The following STARD13 variants were observed in gnomAD, a reference collection of about 807,000 sequenced individuals.
STARD13 encodes stAR-related lipid transfer protein 13.
Under a neutral mutation model 106.4 loss-of-function variants are expected in STARD13, and 62 were observed. That is an observed-to-expected ratio of 0.58 (90% CI 0.48 to 0.72). The LOEUF (loss-of-function observed/expected upper bound fraction) is 0.72. Among genes scored for constraint, STARD13 ranks in the 30% least tolerant of loss-of-function variants. The pLI, the probability that STARD13 is intolerant of heterozygous loss-of-function variation, is 0.00. For synonymous variants in STARD13, 565 were observed against 553.0 expected, an observed-to-expected ratio of 1.02 and a Z score of -0.31; for missense variants, 1,387 against 1,424.0, an observed-to-expected ratio of 0.97 and a Z score of 0.42.
the STARD13 span, among the ~76,000 whole-genome samples, chr13:33,392,196 T>C: frequency 1.3e-5 from 2 of 152,162 alleles, no homozygotes; most frequent in African/African-American, 4.8e-5. Flanking sequence ...CCACCTTGTT[T>C]TTCTTGCAAC....
chr13:33,481,213 G>C, the STARD13 span, among the ~76,000 whole-genome samples: 1 of 151,712 alleles, frequency 6.6e-6, no homozygotes, highest in Non-Finnish European at 1.5e-5. Flanking sequence ...GATGGGAGAA[G>C]TTATTAAATT....
At chr13:33,204,150 T>G (rs1394986747) in intron 1 of STARD13, among the ~76,000 whole-genome samples, 1 of 152,232 alleles carries the variant, frequency 6.6e-6, no homozygotes, top group Non-Finnish European at 1.5e-5. Context: ...GGCAAAATTC[T>G]TTTACACATT....
Position 33,285,528 on chromosome 13 carries a change from A to G in STARD13, c.111T>C (p.Ser37=), listed in dbSNP as rs753936677. 49 of 1,613,944 alleles carry G rather than the reference A, an allele frequency of 3.0e-5. No individual in the cohort carries two copies. The highest frequency in any genetic ancestry group is 4.2e-5 in the Non-Finnish European group (49 of 1,179,946). ...YLRFDQTTRR[S]PYRMSRILAR... is the part of the protein sequence containing the mutation. ...CTAGAATCCGGCTCATCCTGTAAGG[A>G]GAGCGTCTTGTAGTCTGATCAAATC... Residue 37 remains serine (S), a synonymous_variant, in exon 1 of 14, where the codon TCT becomes TCC. Transcript: ENST00000336934.
chr13:33,239,204 A>T (rs1889347098), intron 1 of STARD13, among the ~76,000 whole-genome samples: 1 of 152,038 alleles, frequency 6.6e-6, no homozygotes, highest in Admixed American at 6.5e-5. Flanking sequence ...ATATAACAAG[A>T]TTTCCTTCTT....
At chr13:33,635,977 C>T in the STARD13 span, among the ~76,000 whole-genome samples, 4 of 151,546 alleles carry the variant, frequency 2.6e-5, no homozygotes, top group Non-Finnish European at 5.9e-5. Flanking sequence ...GAGTGAGACT[C>T]CATCTCAAAA....
the STARD13 span, among the ~76,000 whole-genome samples, chr13:33,590,523 A>G: frequency 6.6e-6 from 1 of 151,968 alleles, no homozygotes; most frequent in East Asian, 1.9e-4. Flanking sequence ...GCAGCCATAA[A>G]AAAGGATGAG....
At chr13:33,225,287 C>T (rs1261091462) in intron 1 of STARD13, among the ~76,000 whole-genome samples, 1 of 152,212 alleles carries the variant, frequency 6.6e-6, no homozygotes, top group Non-Finnish European at 1.5e-5. Flanking sequence ...TGACCTCAGG[C>T]AGCTGTGCAG....
chr13:33,480,042 T>C, the STARD13 span, among the ~76,000 whole-genome samples: 1 of 152,210 alleles, frequency 6.6e-6, no homozygotes, highest in Non-Finnish European at 1.5e-5. Context: ...CTAATACAAT[T>C]CTTAAATGAA....
chr13:33,397,933 A>T, the STARD13 span, among the ~76,000 whole-genome samples: 1 of 152,250 alleles, frequency 6.6e-6, no homozygotes, highest in Non-Finnish European at 1.5e-5. Context: ...CCCATGAGCT[A>T]AACACGACCC....
At chr13:33,554,531 G>T in the STARD13 span, among the ~76,000 whole-genome samples, 1 of 152,178 alleles carries the variant, frequency 6.6e-6, no homozygotes, top group Non-Finnish European at 1.5e-5. Flanking sequence ...GACATGGAAT[G>T]TGCCAGGTAC....
intron 1 of STARD13, among the ~76,000 whole-genome samples, chr13:33,337,701 T>C (rs1418793070): frequency 6.6e-6 from 1 of 152,178 alleles, no homozygotes; most frequent in Non-Finnish European, 1.5e-5. Context: ...CTTTCAGTGA[T>C]TTACACATGG....
rs898830227 is a variant in STARD13, at chr13:33,104,244, C to T, written c.*1349G>A. On this transcript the variant is annotated 3_prime_UTR_variant, in exon 14 of 14. Coordinates refer to ENST00000336934, the MANE Select transcript of STARD13 (RefSeq NM_178006.4). ...GTTGAATTACAATAAAAAGCACATT[C>T]GATCCATTAGCAGTTGGCTAAAGGG... 3.3e-5 allele frequency: 5 copies of T among 152,174 alleles called. No individual in the cohort carries two copies. The highest frequency in any genetic ancestry group is 2.9e-5 in the Non-Finnish European group (2 of 68,028). 9.4% of individuals were successfully genotyped at this position (152,174 alleles called of 1,614,324 possible).
chr13:33,345,241 C>A (rs2078005495), downstream of STARD13, among the ~76,000 whole-genome samples: 1 of 152,224 alleles, frequency 6.6e-6, no homozygotes, highest in Admixed American at 6.5e-5. Context: ...AGCCCATACA[C>A]TAAAGAGTGC....
At chr13:33,262,271 G>A (rs1035548454) in intron 1 of STARD13, among the ~76,000 whole-genome samples, 1 of 152,164 alleles carries the variant, frequency 6.6e-6, no homozygotes, top group African/African-American at 2.4e-5. Flanking sequence ...TGCATCAGGT[G>A]GCATGAATCA....
chr13:33,202,979 C>G (rs941721793), intron 1 of STARD13, among the ~76,000 whole-genome samples: 9 of 152,176 alleles, frequency 5.9e-5, no homozygotes, highest in Admixed American at 5.2e-4. Flanking sequence ...AAGGAATATT[C>G]CAGCAGCAAA....
At chr13:33,247,333 A>T (rs1266683872) in intron 1 of STARD13, among the ~76,000 whole-genome samples, 1 of 152,098 alleles carries the variant, frequency 6.6e-6, no homozygotes, top group Non-Finnish European at 1.5e-5. Flanking sequence ...ATGGAGGGAC[A>T]CTCTGAGTGG....
intron 3 of STARD13, among the ~76,000 whole-genome samples, chr13:33,163,681 A>T (rs201338466): frequency 6.6e-5 from 6 of 90,954 alleles, no homozygotes; most frequent in South Asian, 3.2e-4. Context: ...CATATATATA[A>T]AACATATATA....
the STARD13 span, among the ~76,000 whole-genome samples, chr13:33,363,749 C>A: frequency 6.6e-6 from 1 of 152,268 alleles, no homozygotes; most frequent in East Asian, 1.9e-4. Flanking sequence ...GATTGAAACC[C>A]TCCTGAGGGT....
chr13:33,233,397 C>T (rs1035234940), intron 1 of STARD13, among the ~76,000 whole-genome samples: 3 of 152,156 alleles, frequency 2.0e-5, no homozygotes, highest in African/African-American at 7.2e-5. Context: ...TTATAAAGAC[C>T]CCAGACTCAG....
Sources: allele counts gnomAD v4.1 joint callset (sites outside exome capture counted in the v4.1 genomes callset), GRCh38; gene constraint gnomAD v4.1.1; transcripts MANE v1.5; gene names NCBI Gene and HGNC (gene_info 2026-07-23, HGNC 2026-07-21).